DIXDC1: variants seen among roughly 807,000 people sequenced by gnomAD.
DIXDC1 encodes dixin.
A neutral mutation model predicts 103.1 loss-of-function variants in DIXDC1; 64 were observed. The ratio of observed to expected loss-of-function variants is 0.62; its 90% CI spans 0.51 to 0.76. The LOEUF (loss-of-function observed/expected upper bound fraction) is 0.76. Ranked by LOEUF, DIXDC1 falls within the 30% of genes least tolerant of loss-of-function variation. The pLI is 0.00. For missense variants in DIXDC1, 759 were observed against 834.2 expected, an observed-to-expected ratio of 0.91 and a Z score of 1.11; for synonymous variants, 266 against 298.5, an observed-to-expected ratio of 0.89 and a Z score of 1.12.
chr11:111,978,272 G>C (rs1221827344), intron 5 of DIXDC1, among the ~76,000 whole-genome samples: 4 of 152,174 alleles, frequency 2.6e-5, no homozygotes, highest in Non-Finnish European at 4.4e-5. Flanking sequence ...AAGCTAATCA[G>C]GGAGGAGCCT....
intron 3 of DIXDC1, among the ~76,000 whole-genome samples, chr11:111,971,154 AT>A (rs1555172030): frequency 6.6e-6 from 1 of 152,272 alleles, no homozygotes; most frequent in African/African-American, 2.4e-5. Context: ...GAGCCTCTGC[AT>A]AGCAAGAGAA....
At chr11:111,933,001 A>G (rs1170093077), upstream of DIXDC1, among the ~76,000 whole-genome samples, 3 of 152,274 alleles carry the variant, frequency 2.0e-5, no homozygotes, top group African/African-American at 4.8e-5. Flanking sequence ...AGGAAAATAC[A>G]GGATACTAAA....
In DIXDC1 at chr11:111,949,474, T is replaced by G. The variant is rs140214879; in HGVS notation, c.60+11915T>G. Among the ~76,000 whole-genome samples, 185 of 152,272 alleles carry G rather than the reference T, an allele frequency of 1.2e-3. 2 individuals carry two copies. The highest frequency in any genetic ancestry group is 2.2e-3 in the Non-Finnish European group (150 of 68,016). On this transcript the variant is annotated intron_variant, in intron 1 of 19. Coordinates refer to ENST00000440460, the MANE Select transcript of DIXDC1 (RefSeq NM_001037954.4). ...AGTCATCTCTGGCTTGTTTCTGGAG[T>G]TTGTCCTTTGCTCACTGGTGCTGCT...
rs114231915 is a variant in DIXDC1, at chr11:111,988,458, G to A, written c.1063-547G>A. 4.1e-3 allele frequency among the ~76,000 whole-genome samples: 628 copies of A among 152,200 alleles called. 2 individuals carry two copies. Among genetic ancestry groups the A allele is most frequent in the African/African-American group, 0.014 (580 of 41,502 alleles). On this transcript the variant is annotated intron_variant, in intron 9 of 19. Coordinates refer to ENST00000440460, the MANE Select transcript of DIXDC1 (RefSeq NM_001037954.4). ...TAAAATCTATTTCCTAGTGACAATC[G>A]TATACATATATTTTATCTATTGTAA...
At chr11:111,932,662 A>G (rs1214467512), upstream of DIXDC1, among the ~76,000 whole-genome samples, 5 of 151,988 alleles carry the variant, frequency 3.3e-5, no homozygotes, top group African/African-American at 1.2e-4. Context: ...ATTAAGCACT[A>G]GCATCTGGTG....
At chr11:111,994,220 C>G (rs1415956536) in intron 14 of DIXDC1, among the ~76,000 whole-genome samples, 1 of 152,012 alleles carries the variant, frequency 6.6e-6, no homozygotes, top group African/African-American at 2.4e-5. Flanking sequence ...AACCTCGTCT[C>G]TACTAAAAAT....
intron 1 of DIXDC1, among the ~76,000 whole-genome samples, chr11:111,962,928 T>A (rs1859627423): frequency 6.6e-6 from 1 of 152,288 alleles, no homozygotes; most frequent in South Asian, 2.1e-4. Context: ...TCTCATCTGG[T>A]CCCTGGTGAT....
chr11:111,946,905 TG>T (rs1966615633), intron 1 of DIXDC1: 1 of 255,004 alleles, frequency 3.9e-6, no homozygotes, highest in Admixed American at 3.6e-5. Context: ...TGAGTGCCTA[TG>T]GACACTGTCC....
At chr11:111,935,025 C>T (rs1199642573), upstream of DIXDC1, among the ~76,000 whole-genome samples, 1 of 152,220 alleles carries the variant, frequency 6.6e-6, no homozygotes, top group African/African-American at 2.4e-5. Context: ...TCTTCACAGA[C>T]AGTCCTAGTG....
intron 1 of DIXDC1, among the ~76,000 whole-genome samples, chr11:111,948,085 C>G (rs1966657224): frequency 1.3e-5 from 2 of 152,200 alleles, no homozygotes; most frequent in African/African-American, 4.8e-5. Context: ...CTAACACTCT[C>G]TAGACAGGAC....
chr11:112,004,567 T>A (rs1443721788), intron 17 of DIXDC1, among the ~76,000 whole-genome samples: 1 of 152,018 alleles, frequency 6.6e-6, no homozygotes. Flanking sequence ...TGGGGCTGCG[T>A]CAGGACAACA....
At chr11:112,006,826 G>T (rs1167715116) in intron 17 of DIXDC1, among the ~76,000 whole-genome samples, 2 of 152,130 alleles carry the variant, frequency 1.3e-5, no homozygotes, top group Non-Finnish European at 2.9e-5. Flanking sequence ...AAGACCAAAG[G>T]TAGATAAAAC....
intron 17 of DIXDC1, among the ~76,000 whole-genome samples, chr11:112,001,014 AT>A (rs1555175936): frequency 6.6e-6 from 1 of 152,222 alleles, no homozygotes; most frequent in Non-Finnish European, 1.5e-5. Flanking sequence ...TAGCAGCCAT[AT>A]TCACAATATT....
chr11:112,016,489 C>T (rs1462733620), intron 17 of DIXDC1, among the ~76,000 whole-genome samples: 4 of 152,118 alleles, frequency 2.6e-5, no homozygotes, highest in African/African-American at 7.2e-5. Context: ...GATGAGTCCT[C>T]GCGATCGTGT....
At chr11:111,995,325 C>T in intron 15 of DIXDC1, 78 bp from the exon 16 acceptor site, 1 of 1,563,060 alleles carries the variant, frequency 6.4e-7, no homozygotes, top group Non-Finnish European at 8.7e-7. Flanking sequence ...CTGGAAACTT[C>T]TCTCCTATAT....
At chr11:111,937,272 C>G, upstream of DIXDC1, 1 of 1,304,802 alleles carries the variant, frequency 7.7e-7, no homozygotes, top group South Asian at 2.2e-5. Flanking sequence ...CAGTTGTTTC[C>G]ATAGGAACCG....
In DIXDC1 at chr11:111,974,938, A is replaced by T; in HGVS notation, c.611A>T (p.Gln204Leu). 6.2e-7 allele frequency: 1 copy of T among 1,613,630 alleles called. No homozygotes were observed. The highest frequency in any genetic ancestry group is 8.5e-7 in the Non-Finnish European group (1 of 1,179,820). The stretch of plus-strand genomic sequence containing the variant: ...TGGAGTGTGCGGGCCCTAGTGCAGC[A>T]GTACGAAGGGCAACAAAGGTCCCCG... Reference protein sequence around the residue: ...PYWSVRALVQQYEGQQRSPSE... With the variant: ...PYWSVRALVQLYEGQQRSPSE... Residue 204 changes from glutamine (Q) to leucine (L), a missense_variant, in exon 5 of 20, where the codon CAG becomes CTG. Gln to Leu is a moderately radical substitution (Grantham distance 113). Transcript: ENST00000440460.
At chr11:112,013,541 C>A (rs1188738041) in intron 17 of DIXDC1, among the ~76,000 whole-genome samples, 2 of 152,098 alleles carry the variant, frequency 1.3e-5, no homozygotes, top group African/African-American at 4.8e-5. Context: ...CGTAATTCAT[C>A]TTGTGTTCCC....
chr11:111,994,796 C>A (rs77941034), intron 14 of DIXDC1, among the ~76,000 whole-genome samples: 4,577 of 152,174 alleles, frequency 0.03, 213 homozygotes, highest in African/African-American at 0.1. Context: ...CCTTTATTCA[C>A]ATCCAACAAT....
Sources: allele counts gnomAD v4.1 joint callset (sites outside exome capture counted in the v4.1 genomes callset), GRCh38; gene constraint gnomAD v4.1.1; transcripts MANE v1.5; gene names NCBI Gene and HGNC (gene_info 2026-07-23, HGNC 2026-07-21).